Variants in PTPRD observed in about 807,000 individuals in gnomAD.
The protein encoded by PTPRD is protein tyrosine phosphatase receptor type D.
Under a neutral mutation model 214.5 loss-of-function variants are expected in PTPRD, and 34 were observed. That is an observed-to-expected ratio of 0.16 (90% CI 0.12 to 0.21). The LOEUF is 0.21. Among genes scored for constraint, PTPRD ranks in the 10% least tolerant of loss-of-function variants. PTPRD has a pLI of 1.00. For missense variants in PTPRD, 2,545 were observed against 2,398.7 expected (o/e 1.06, Z -1.27); for synonymous variants, 1,128 against 845.7 (o/e 1.33, Z -5.79).
chr9:8,395,857 C>T (rs1052149299), intron 36 of PTPRD, among the ~76,000 whole-genome samples: 2 of 152,004 alleles, frequency 1.3e-5, no homozygotes, highest in Non-Finnish European at 2.9e-5. Context: ...TCTTTGAATA[C>T]ATTGCAAGAT....
At chr9:8,803,777 T>C (rs1000451793) in intron 11 of PTPRD, among the ~76,000 whole-genome samples, 14 of 151,884 alleles carry the variant, frequency 9.2e-5, no homozygotes, top group African/African-American at 3.4e-4. Flanking sequence ...AAATCATGTT[T>C]GGTAGTCCTA....
chr9:9,799,277 T>A (rs1200190376), intron 5 of PTPRD: 1 of 152,058 alleles, frequency 6.6e-6, no homozygotes, highest in African/African-American at 2.4e-5. Context: ...AAATTAAAGA[T>A]CTTACAGAGA....
At chr9:9,012,254 G>A (rs771622783) in intron 11 of PTPRD, among the ~76,000 whole-genome samples, 2 of 152,158 alleles carry the variant, frequency 1.3e-5, no homozygotes, top group Non-Finnish European at 2.9e-5. Context: ...CTCCAGATGA[G>A]AACCAAGCCC....
chr9:10,257,979 G>A (rs2093408117), intron 3 of PTPRD, among the ~76,000 whole-genome samples: 1 of 152,148 alleles, frequency 6.6e-6, no homozygotes, highest in Admixed American at 6.6e-5. Context: ...ATAAAGGAAG[G>A]GAAGGAGAAG....
At chr9:9,414,236 C>G (rs1434824640) in intron 8 of PTPRD, among the ~76,000 whole-genome samples, 1 of 152,194 alleles carries the variant, frequency 6.6e-6, no homozygotes, top group Non-Finnish European at 1.5e-5. Context: ...AGATATTACA[C>G]TTAGTGGAAT....
intron 37 of PTPRD, among the ~76,000 whole-genome samples, chr9:8,379,833 G>A (rs188695370): frequency 8.5e-5 from 13 of 152,132 alleles, no homozygotes; most frequent in South Asian, 4.2e-4. Context: ...GGATACAAGC[G>A]GCCTCTAGGA....
intron 3 of PTPRD, among the ~76,000 whole-genome samples, chr9:10,057,914 G>T (rs1396793942): frequency 6.6e-6 from 1 of 151,798 alleles, no homozygotes; most frequent in Non-Finnish European, 1.5e-5. Context: ...GCACACCACT[G>T]GCTCATGACA....
chr9:8,818,232 C>A (rs555767849), intron 11 of PTPRD, among the ~76,000 whole-genome samples: 1 of 152,040 alleles, frequency 6.6e-6, no homozygotes, highest in Non-Finnish European at 1.5e-5. Flanking sequence ...ATACCTCATC[C>A]TAATTAAATG....
At chr9:8,816,456 T>G (rs1395396208) in intron 11 of PTPRD, among the ~76,000 whole-genome samples, 2 of 152,100 alleles carry the variant, frequency 1.3e-5, no homozygotes, top group African/African-American at 4.8e-5. Flanking sequence ...TCTCACCTCC[T>G]CACAAGGGAT....
chr9:9,834,939 T>C (rs1274721077), intron 5 of PTPRD, among the ~76,000 whole-genome samples: 1 of 152,044 alleles, frequency 6.6e-6, no homozygotes, highest in Admixed American at 6.6e-5. Context: ...ACTTTTGTTT[T>C]TTTTTTGTTC....
At chr9:8,961,156 G>A (rs982065438) in intron 11 of PTPRD, among the ~76,000 whole-genome samples, 6 of 152,088 alleles carry the variant, frequency 3.9e-5, no homozygotes, top group Non-Finnish European at 2.9e-5. Flanking sequence ...TAGGGGGACA[G>A]GGGAAGACTT....
rs1011160279 is a variant in PTPRD at position 9,573,325 on chromosome 9, A to T, written c.-237+1407T>A. Among the ~76,000 whole-genome samples the T allele has an allele frequency of 5.9e-5, 9 of 151,398 alleles. 1 individual carries two copies. Among genetic ancestry groups the T allele is most frequent in the Admixed American group, 2.6e-4 (4 of 15,144 alleles). ...CAAAGATACTTCTTATGTTCTGTAT[A>T]CTTCTAGAACTGAAGATATTGCTTA... On this transcript the variant is annotated intron_variant, in intron 8 of 45. Transcript: ENST00000381196.
At chr9:9,137,743 C>A (rs1314863874) in intron 10 of PTPRD, among the ~76,000 whole-genome samples, 1 of 152,048 alleles carries the variant, frequency 6.6e-6, no homozygotes, top group Non-Finnish European at 1.5e-5. Context: ...AAAAGTGTTT[C>A]TCTGACAGTT....
intron 3 of PTPRD, among the ~76,000 whole-genome samples, chr9:10,273,973 C>G (rs1284222362): frequency 9.3e-6 from 1 of 107,820 alleles, no homozygotes; most frequent in African/African-American, 2.6e-5. Flanking sequence ...TTTTAAAATC[C>G]TCATGCTTTG....
chr9:8,685,400 C>T (rs547516229), intron 12 of PTPRD, among the ~76,000 whole-genome samples: 2 of 152,228 alleles, frequency 1.3e-5, no homozygotes, highest in African/African-American at 2.4e-5. Flanking sequence ...ACAAAACCAA[C>T]AGACGAGAGC....
At chr9:10,197,570 A>G (rs1484537220) in intron 3 of PTPRD, among the ~76,000 whole-genome samples, 1 of 152,088 alleles carries the variant, frequency 6.6e-6, no homozygotes, top group African/African-American at 2.4e-5. Context: ...GTACGTTTTG[A>G]CTGTCTTTAC....
chr9:9,786,679 C>A (rs1746795), intron 5 of PTPRD, among the ~76,000 whole-genome samples: 2 of 151,906 alleles, frequency 1.3e-5, no homozygotes, highest in Non-Finnish European at 2.9e-5. Flanking sequence ...TGTAAATGAT[C>A]AGTTAATGGG....
chr9:9,198,300 C>G (rs1284803418), intron 9 of PTPRD, among the ~76,000 whole-genome samples: 2 of 151,648 alleles, frequency 1.3e-5, no homozygotes, highest in East Asian at 3.9e-4. Context: ...AAAATCAAAC[C>G]AAACTTAGAA....
intron 3 of PTPRD, among the ~76,000 whole-genome samples, chr9:10,324,799 G>T (rs187797991): frequency 6.6e-6 from 1 of 152,078 alleles, no homozygotes; most frequent in East Asian, 1.9e-4. Flanking sequence ...TATCAATAAT[G>T]ATACCTCACT....
Sources: gnomAD v4.1 joint callset for allele counts (sites outside exome capture counted in the v4.1 genomes callset) on GRCh38, gnomAD v4.1.1 for gene constraint, MANE v1.5 for transcripts, NCBI Gene and HGNC (gene_info 2026-07-23, HGNC 2026-07-21) for gene names.